HPSE2: variants seen among roughly 807,000 people sequenced by gnomAD.
HPSE2 encodes the protein heparanase 2 (inactive), also known as inactive heparanase-2.
Under a neutral mutation model 60.5 loss-of-function variants are expected in HPSE2, and 38 were observed. That is an observed-to-expected ratio of 0.63 (90% CI 0.48 to 0.82). The LOEUF (loss-of-function observed/expected upper bound fraction) is 0.82. Among genes scored for constraint, HPSE2 ranks in the 40% least tolerant of loss-of-function variants. The pLI, the probability that HPSE2 is intolerant of heterozygous loss-of-function variation, is 0.00. For missense variants in HPSE2, 713 were observed against 740.4 expected (o/e 0.96, Z 0.43); for synonymous variants, 295 against 293.2 (o/e 1.01, Z -0.06).
intron 11 of HPSE2, among the ~76,000 whole-genome samples, chr10:98,472,897 GC>G (rs1192389154): frequency 6.6e-6 from 1 of 152,128 alleles, no homozygotes; most frequent in African/African-American, 2.4e-5. Flanking sequence ...GGAGGAAATT[GC>G]CTTATACCTG....
At chr10:99,302,923 C>T in the HPSE2 span, among the ~76,000 whole-genome samples, 5 of 150,678 alleles carry the variant, frequency 3.3e-5, no homozygotes, top group Admixed American at 2.0e-4. Context: ...AGGGGACTAA[C>T]ATATTTGCTA....
chr10:99,257,728 T>C, the HPSE2 span, among the ~76,000 whole-genome samples: 2 of 152,290 alleles, frequency 1.3e-5, no homozygotes, highest in East Asian at 3.9e-4. Flanking sequence ...AAGTATGTGA[T>C]CTCTGTGACC....
intron 3 of HPSE2, among the ~76,000 whole-genome samples, chr10:98,913,849 A>C (rs1322055918): frequency 6.6e-6 from 1 of 152,198 alleles, no homozygotes; most frequent in Non-Finnish European, 1.5e-5. Flanking sequence ...AGGAAGGGGA[A>C]GATTCCTTAA....
At chr10:99,186,500 G>C (rs943588299) in intron 2 of HPSE2, among the ~76,000 whole-genome samples, 1 of 116,628 alleles carries the variant, frequency 8.6e-6, no homozygotes, top group Non-Finnish European at 1.6e-5. Context: ...CCAAGATTAC[G>C]CCAGTGTACT....
intron 3 of HPSE2, among the ~76,000 whole-genome samples, chr10:99,078,336 T>C (rs532634912): frequency 6.6e-6 from 1 of 152,316 alleles, no homozygotes; most frequent in African/African-American, 2.4e-5. Flanking sequence ...CTTCCACAGA[T>C]ACCAAAATCC....
chr10:98,609,905 G>A (rs1389916207), intron 9 of HPSE2, among the ~76,000 whole-genome samples: 2 of 145,398 alleles, frequency 1.4e-5, no homozygotes, highest in Admixed American at 7.0e-5. Flanking sequence ...GCAGTGGCAC[G>A]ATCTCAGCTC....
chr10:98,657,700 A>T (rs879792421), intron 6 of HPSE2, among the ~76,000 whole-genome samples: 1 of 152,234 alleles, frequency 6.6e-6, no homozygotes, highest in African/African-American at 2.4e-5. Context: ...TCTCTTATTA[A>T]GTTTAAAAAC....
intron 6 of HPSE2, among the ~76,000 whole-genome samples, chr10:98,662,884 A>G (rs1947261179): frequency 6.6e-6 from 1 of 152,258 alleles, no homozygotes; most frequent in Non-Finnish European, 1.5e-5. Flanking sequence ...TTAAACAAAC[A>G]GAGATCTATT....
chr10:98,993,358 T>G (rs1184452891), intron 3 of HPSE2, among the ~76,000 whole-genome samples: 3 of 152,212 alleles, frequency 2.0e-5, no homozygotes, highest in African/African-American at 7.2e-5. Context: ...TTCTAAAGTA[T>G]CACAATGATT....
intron 3 of HPSE2, among the ~76,000 whole-genome samples, chr10:98,975,124 C>A (rs1022476289): frequency 6.6e-6 from 1 of 152,068 alleles, no homozygotes; most frequent in Non-Finnish European, 1.5e-5. Flanking sequence ...TAAGTGGATT[C>A]CTGTTTCACT....
intron 3 of HPSE2, among the ~76,000 whole-genome samples, chr10:99,035,434 A>T (rs1426157685): frequency 6.6e-6 from 1 of 152,214 alleles, no homozygotes; most frequent in East Asian, 1.9e-4. Context: ...CTCCTATGAT[A>T]ACAATGCCTT....
chr10:99,073,946 T>TG (rs1177317930), intron 3 of HPSE2, among the ~76,000 whole-genome samples: 4 of 151,608 alleles, frequency 2.6e-5, no homozygotes, highest in South Asian at 2.1e-4. Context: ...AAAGTTTTTT[T>TG]TTTTTTTTTT....
intron 11 of HPSE2, among the ~76,000 whole-genome samples, chr10:98,481,543 G>T (rs559245326): frequency 6.6e-6 from 1 of 152,094 alleles, no homozygotes; most frequent in South Asian, 2.1e-4. Flanking sequence ...AAAAACAGAC[G>T]CAATGTACAT....
chr10:98,894,772 T>C (rs557553028), intron 3 of HPSE2, among the ~76,000 whole-genome samples: 2 of 151,684 alleles, frequency 1.3e-5, no homozygotes, highest in African/African-American at 4.8e-5. Context: ...AATTTTCAGA[T>C]TGAGGAATAA....
the HPSE2 span, among the ~76,000 whole-genome samples, chr10:99,263,640 TTTCTCC>T: frequency 6.6e-6 from 1 of 152,076 alleles, no homozygotes; most frequent in Non-Finnish European, 1.5e-5. Flanking sequence ...ATGGCCAGTT[TTTCTCC>T]TTCTCATTGG....
chr10:98,545,965 C>A (rs1343641430), intron 9 of HPSE2, among the ~76,000 whole-genome samples: 1 of 147,548 alleles, frequency 6.8e-6, no homozygotes, highest in Non-Finnish European at 1.5e-5. Flanking sequence ...TCTCAGGATA[C>A]AAAATCAATG....
rs867066986 is a variant in HPSE2, at chr10:99,153,185, G to C, written c.449-8786C>G. ...CAGCGAGGCTGGGGGAGGGGCGCCCGCCATTGCCCAGGCTTGCTTAGGTAA... is the reference window on the plus strand; with the variant it reads ...CAGCGAGGCTGGGGGAGGGGCGCCCCCCATTGCCCAGGCTTGCTTAGGTAA... On this transcript the variant is annotated intron_variant, in intron 2 of 11. Transcript: ENST00000370552. Among the ~76,000 whole-genome samples the C allele has an allele frequency of 4.8e-4, 73 of 152,210 alleles. 2 individuals are homozygous for C. The South Asian group carries it at 0.014, about 30-fold the overall frequency.
At chr10:98,742,267 A>C (rs1304888485) in intron 4 of HPSE2, among the ~76,000 whole-genome samples, 1 of 152,178 alleles carries the variant, frequency 6.6e-6, no homozygotes, top group African/African-American at 2.4e-5. Flanking sequence ...AGAAAGAGGA[A>C]AGAAACTGAG....
chr10:98,964,385 C>T (rs1955760842), intron 3 of HPSE2, among the ~76,000 whole-genome samples: 1 of 152,052 alleles, frequency 6.6e-6, no homozygotes. Flanking sequence ...CATTAATTTA[C>T]CTAGCTAATA....
Sources: gnomAD v4.1 joint callset for allele counts (sites outside exome capture counted in the v4.1 genomes callset) on GRCh38, gnomAD v4.1.1 for gene constraint, MANE v1.5 for transcripts, NCBI Gene and HGNC (gene_info 2026-07-23, HGNC 2026-07-21) for gene names.